The following GRIN2A variants were observed in gnomAD, a reference collection of about 807,000 sequenced individuals.
The protein encoded by GRIN2A is glutamate ionotropic receptor NMDA type subunit 2A.
In GRIN2A, 22 loss-of-function variants were observed where a neutral mutation model predicts 113.4. The ratio of observed to expected loss-of-function variants is 0.19; its 90% confidence interval spans 0.14 to 0.28. The LOEUF (loss-of-function observed/expected upper bound fraction) is 0.28, where lower values mean the gene tolerates loss of function less well. Ranked by LOEUF, GRIN2A falls within the 10% of genes least tolerant of loss-of-function variation. The probability of loss-of-function intolerance (pLI) is 1.00; values close to 1 mark genes in which losing one functional copy is unlikely to be tolerated. For synonymous variants in GRIN2A, 827 were observed against 738.4 expected, an observed-to-expected ratio of 1.12 and a Z score of -1.94; for missense variants, 1,502 against 1,887.0, an observed-to-expected ratio of 0.80 and a Z score of 3.78.
intron 3 of GRIN2A, among the ~76,000 whole-genome samples, chr16:9,930,029 G>A (rs1401631907): frequency 4.6e-5 from 7 of 152,220 alleles, no homozygotes; most frequent in South Asian, 4.2e-4. Context: ...GCTGGCATAC[G>A]GTTCTTTTGA....
chr16:9,981,472 A>G lies in GRIN2A; in HGVS notation c.415-42921T>C, dbSNP rs181942258. On this transcript the variant is annotated intron_variant, in intron 2 of 12. Coordinates refer to ENST00000330684, the MANE Select transcript of GRIN2A (RefSeq NM_001134407.3). Reference sequence around the variant, plus strand: ...ATGTATCCTCCACTCAATTTTAACTATTTTCAATTCGTGACTGATCTTGTT... The same window carrying G: ...ATGTATCCTCCACTCAATTTTAACTGTTTTCAATTCGTGACTGATCTTGTT... Among the ~76,000 whole-genome samples the G allele has an allele frequency of 5.3e-3, 807 of 152,290 alleles. 11 individuals are homozygous for G. Among genetic ancestry groups the G allele is most frequent in the African/African-American group, 0.019 (769 of 41,556 alleles).
At chr16:10,016,620 T>C (rs904941935) in intron 2 of GRIN2A, among the ~76,000 whole-genome samples, 2 of 152,226 alleles carry the variant, frequency 1.3e-5, no homozygotes, top group African/African-American at 4.8e-5. Context: ...GTCCATAGGA[T>C]AAATGGATAA....
intron 10 of GRIN2A, among the ~76,000 whole-genome samples, chr16:9,800,883 A>T (rs1903319837): frequency 6.6e-6 from 1 of 152,226 alleles, no homozygotes; most frequent in Admixed American, 6.5e-5. Flanking sequence ...ACCTGCAGAA[A>T]TATGGGATGG....
intron 3 of GRIN2A, among the ~76,000 whole-genome samples, chr16:9,914,904 GCTTTTTTTTTTTTTTTTTTTTTTTT>G (rs1480903635): frequency 3.9e-4 from 19 of 48,716 alleles, no homozygotes; most frequent in African/African-American, 1.2e-3. Flanking sequence ...TGATTATGCA[GCTTTTTTTTTTTTTTTTTTTTTTTT>G]TTTTTTTTTT....
At chr16:9,904,689 G>A (rs113604089) in intron 3 of GRIN2A, among the ~76,000 whole-genome samples, 100 of 152,186 alleles carry the variant, frequency 6.6e-4, no homozygotes, top group African/African-American at 2.0e-3. Flanking sequence ...CTTTTTATAA[G>A]GGCATTAGTT....
chr16:9,858,133 C>T (rs1040212064), intron 4 of GRIN2A, among the ~76,000 whole-genome samples: 4 of 152,118 alleles, frequency 2.6e-5, no homozygotes, highest in Non-Finnish European at 5.9e-5. Context: ...GAGAGTTTTC[C>T]CTGGGACTTT....
At chr16:10,115,012 T>A (rs1371382637) in intron 2 of GRIN2A, among the ~76,000 whole-genome samples, 2 of 152,268 alleles carry the variant, frequency 1.3e-5, no homozygotes, top group African/African-American at 4.8e-5. Context: ...AACTGGCCTC[T>A]TTCACTTGTT....
intron 10 of GRIN2A, among the ~76,000 whole-genome samples, chr16:9,800,931 G>T (rs2141239100): frequency 6.6e-6 from 1 of 152,302 alleles, no homozygotes; most frequent in African/African-American, 2.4e-5. Context: ...GTGTATAATG[G>T]GAGTAGGGTG....
At chr16:10,066,543 C>G (rs1167091095) in intron 2 of GRIN2A, among the ~76,000 whole-genome samples, 2 of 152,132 alleles carry the variant, frequency 1.3e-5, no homozygotes, top group Non-Finnish European at 2.9e-5. Context: ...TTTCATGTTC[C>G]TCACTGAGTA....
intron 2 of GRIN2A, among the ~76,000 whole-genome samples, chr16:9,948,447 C>T (rs1430662279): frequency 6.6e-6 from 1 of 152,172 alleles, no homozygotes; most frequent in Non-Finnish European, 1.5e-5. Context: ...GAGGTCAAGT[C>T]ACATGGCATG....
intron 4 of GRIN2A, among the ~76,000 whole-genome samples, chr16:9,876,393 C>A (rs954704112): frequency 2.0e-4 from 30 of 152,172 alleles, no homozygotes; most frequent in Admixed American, 1.8e-3. Context: ...CACCTGTTTA[C>A]CCCCACATCC....
chr16:10,174,751 A>G (rs895054285), intron 2 of GRIN2A, among the ~76,000 whole-genome samples: 3 of 152,338 alleles, frequency 2.0e-5, no homozygotes, highest in Non-Finnish European at 4.4e-5. Context: ...CTAAAATAAA[A>G]TAATAGACCA....
chr16:9,880,043 T>C (rs922274786), intron 4 of GRIN2A, among the ~76,000 whole-genome samples: 1 of 152,224 alleles, frequency 6.6e-6, no homozygotes, highest in African/African-American at 2.4e-5. Context: ...CACCTGTTTA[T>C]GATCTCACAG....
intron 2 of GRIN2A, among the ~76,000 whole-genome samples, chr16:10,045,627 A>T (rs1470614497): frequency 6.6e-6 from 1 of 152,228 alleles, no homozygotes; most frequent in South Asian, 2.1e-4. Context: ...CCAATGGCCC[A>T]TTCTGGCCAT....
chr16:9,956,033 T>G (rs1188437743), intron 2 of GRIN2A, among the ~76,000 whole-genome samples: 1 of 152,214 alleles, frequency 6.6e-6, no homozygotes, highest in African/African-American at 2.4e-5. Flanking sequence ...AAAGTTCTGT[T>G]GTTCGGACTC....
At chr16:9,903,707 C>T (rs1210354350) in intron 3 of GRIN2A, among the ~76,000 whole-genome samples, 1 of 152,216 alleles carries the variant, frequency 6.6e-6, no homozygotes, top group African/African-American at 2.4e-5. Flanking sequence ...CCTCTTCCAA[C>T]TCTCAACCCC....
At chr16:10,103,580 A>G (rs529495150) in intron 2 of GRIN2A, among the ~76,000 whole-genome samples, 3 of 152,328 alleles carry the variant, frequency 2.0e-5, no homozygotes, top group Non-Finnish European at 4.4e-5. Context: ...AGGCAGCTGA[A>G]GCAATACCTA....
At chr16:10,041,442 T>C (rs551061324) in intron 2 of GRIN2A, among the ~76,000 whole-genome samples, 23 of 152,144 alleles carry the variant, frequency 1.5e-4, no homozygotes, top group Non-Finnish European at 3.4e-4. Context: ...TGAAGCTAAA[T>C]TGTTATATAA....
chr16:9,772,913 C>T (rs1046050049), intron 11 of GRIN2A, among the ~76,000 whole-genome samples: 8 of 102,374 alleles, frequency 7.8e-5, no homozygotes, highest in Non-Finnish European at 1.3e-4. Context: ...GTAAAGCAGA[C>T]TTCAATTTCA....
Sources: gnomAD v4.1 joint callset for allele counts (sites outside exome capture counted in the v4.1 genomes callset) on GRCh38, gnomAD v4.1.1 for gene constraint, MANE v1.5 for transcripts, NCBI Gene and HGNC (gene_info 2026-07-23, HGNC 2026-07-21) for gene names.